RBFOX2: variants seen among roughly 807,000 people sequenced by gnomAD.
RBFOX2 encodes RNA binding protein fox-1 homolog 2.
A neutral mutation model predicts 49.1 loss-of-function variants in RBFOX2; 10 were observed. That is an observed-to-expected ratio of 0.20 (90% CI 0.13 to 0.35). The LOEUF (loss-of-function observed/expected upper bound fraction) is 0.35. RBFOX2 is among the 10% of genes least tolerant of loss of function. The pLI is 1.00. For missense variants in RBFOX2, 323 were observed against 486.9 expected (o/e 0.66, Z 3.17); for synonymous variants, 183 against 187.4 (o/e 0.98, Z 0.19).
At chr22:35,782,422 C>G (rs779923829) in intron 2 of RBFOX2, among the ~76,000 whole-genome samples, 2 of 152,088 alleles carry the variant, frequency 1.3e-5, no homozygotes, top group East Asian at 3.9e-4. Flanking sequence ...CCCGGGTTCA[C>G]GCCATTCTCC....
At chr22:35,820,610 A>C (rs113499061) in intron 1 of RBFOX2, among the ~76,000 whole-genome samples, 2,514 of 152,344 alleles carry the variant, frequency 0.017, 33 homozygotes, top group Middle Eastern at 0.038. Flanking sequence ...TTGTCTTTAC[A>C]GAACATGAAC....
rs1171006043 is a variant in RBFOX2, at chr22:35,875,607, G to GGGGTGTGT, written c.-34+63239_-34+63240insACACACCC. Among the ~76,000 whole-genome samples the GGGGTGTGT allele has an allele frequency of 6.3e-4, 74 of 117,726 alleles. 2 individuals are homozygous for GGGGTGTGT. Among genetic ancestry groups the GGGGTGTGT allele is most frequent in the South Asian group, 3.8e-3 (12 of 3,150 alleles). The allele number at this position is 117,726 out of a possible 152,430, so 77.2% of individuals were successfully genotyped here. A position where few individuals can be genotyped will look rare whatever the true frequency, so the allele number is the denominator to read the frequency against. On this transcript the variant is annotated intron_variant, in intron 1 of 13. Coordinates refer to the RBFOX2 transcript ENST00000359369. ...CTGCGAATTAATAAATGCTCACAAG[G>GGGGTGTGT]GTGTGTGTGTGTGTGTGTGTGTGTG...
chr22:35,983,518 T>C (rs1342555941), intron 1 of RBFOX2, among the ~76,000 whole-genome samples: 3 of 152,190 alleles, frequency 2.0e-5, no homozygotes, highest in African/African-American at 7.2e-5. Context: ...AGATTTTACT[T>C]TGAATCACTG....
At chr22:35,838,602 T>G (rs1958130797) in intron 1 of RBFOX2, among the ~76,000 whole-genome samples, 2 of 152,214 alleles carry the variant, frequency 1.3e-5, no homozygotes, top group South Asian at 4.1e-4. Context: ...CTGCCTCATC[T>G]TTCTTCTTTT....
intron 9 of RBFOX2, among the ~76,000 whole-genome samples, chr22:35,750,811 A>G (rs1279444741): frequency 2.0e-5 from 3 of 152,228 alleles, no homozygotes; most frequent in East Asian, 1.9e-4. Flanking sequence ...TTCTGCTAAA[A>G]TATTTCCTGT....
chr22:35,981,505 G>C (rs1334263470), intron 1 of RBFOX2, among the ~76,000 whole-genome samples: 3 of 151,984 alleles, frequency 2.0e-5, no homozygotes, highest in Non-Finnish European at 4.4e-5. Flanking sequence ...AGCCAGGTGT[G>C]GTGGTGCCCG....
intron 1 of RBFOX2, among the ~76,000 whole-genome samples, chr22:36,023,794 C>A (rs2059331477): frequency 6.6e-6 from 1 of 152,182 alleles, no homozygotes; most frequent in Admixed American, 6.5e-5. Flanking sequence ...CAGGGCTGCA[C>A]TGACTCCTCT....
At chr22:35,872,661 G>A (rs1274473775) in intron 1 of RBFOX2, among the ~76,000 whole-genome samples, 1 of 152,172 alleles carries the variant, frequency 6.6e-6, no homozygotes, top group Non-Finnish European at 1.5e-5. Context: ...GCCTGCCAGG[G>A]TGCTGACGTC....
chr22:35,837,787 TTTA>T (rs1957958169), intron 1 of RBFOX2, among the ~76,000 whole-genome samples: 1 of 152,212 alleles, frequency 6.6e-6, no homozygotes, highest in South Asian at 2.1e-4. Context: ...AACAGGTGAT[TTTA>T]TTATTAGAAT....
intron 1 of RBFOX2, among the ~76,000 whole-genome samples, chr22:35,862,050 T>C (rs962573777): frequency 1.3e-5 from 2 of 152,186 alleles, no homozygotes; most frequent in Non-Finnish European, 2.9e-5. Context: ...GAGTCCATTT[T>C]TATACAATAC....
At chr22:35,917,970 G>C (rs2050616114) in intron 1 of RBFOX2, among the ~76,000 whole-genome samples, 1 of 152,162 alleles carries the variant, frequency 6.6e-6, no homozygotes, top group South Asian at 2.1e-4. Context: ...AGAGCTATAA[G>C]AAAATAAGAC....
intron 1 of RBFOX2, among the ~76,000 whole-genome samples, chr22:36,025,691 T>A (rs944926600): frequency 6.6e-6 from 1 of 152,232 alleles, no homozygotes; most frequent in African/African-American, 2.4e-5. Context: ...ATAGATTGCA[T>A]GCACCTTAAG....
intron 1 of RBFOX2, among the ~76,000 whole-genome samples, chr22:35,814,848 A>C (rs1450955639): frequency 6.6e-6 from 1 of 151,866 alleles, no homozygotes; most frequent in Non-Finnish European, 1.5e-5. Context: ...TGAGCTCAGG[A>C]GTTTGAGACC....
intron 1 of RBFOX2, among the ~76,000 whole-genome samples, chr22:36,017,279 C>T (rs1444044597): frequency 6.6e-6 from 1 of 152,140 alleles, no homozygotes; most frequent in Non-Finnish European, 1.5e-5. Context: ...CCTGTAATCC[C>T]AGCACTTTGC....
intron 1 of RBFOX2, among the ~76,000 whole-genome samples, chr22:35,865,116 A>T (rs1205031637): frequency 6.6e-6 from 1 of 152,218 alleles, no homozygotes; most frequent in Non-Finnish European, 1.5e-5. Context: ...AAATAACTGT[A>T]TGAATATATA....
chr22:35,891,847 C>T (rs1349983200), intron 1 of RBFOX2, among the ~76,000 whole-genome samples: 4 of 145,866 alleles, frequency 2.7e-5, no homozygotes, highest in Admixed American at 2.0e-4. Flanking sequence ...TACTGTGCAA[C>T]GCAAAAAAAA....
At chr22:35,936,634 C>T (rs914006853) in intron 1 of RBFOX2, among the ~76,000 whole-genome samples, 1 of 152,160 alleles carries the variant, frequency 6.6e-6, no homozygotes, top group African/African-American at 2.4e-5. Flanking sequence ...GAATGTGCCT[C>T]AAAGTAAATC....
At chr22:35,904,587 G>T (rs974276402) in intron 1 of RBFOX2, among the ~76,000 whole-genome samples, 1 of 152,290 alleles carries the variant, frequency 6.6e-6, no homozygotes, top group East Asian at 1.9e-4. Flanking sequence ...GCTTTAAAAT[G>T]CTACACTGTG....
chr22:36,022,674 C>A (rs1474048725), intron 1 of RBFOX2, among the ~76,000 whole-genome samples: 1 of 152,132 alleles, frequency 6.6e-6, no homozygotes, highest in Admixed American at 6.6e-5. Context: ...AAGCCCTAAC[C>A]CCAGTGTAAT....
Sources: allele counts gnomAD v4.1 joint callset (sites outside exome capture counted in the v4.1 genomes callset), GRCh38; gene constraint gnomAD v4.1.1; transcripts MANE v1.5; gene names NCBI Gene and HGNC (gene_info 2026-07-23, HGNC 2026-07-21).